PHF12: variants seen among roughly 807,000 people sequenced by gnomAD.
PHF12 encodes the protein PHD finger protein 12, also known as PHD factor 1.
In PHF12, 6 loss-of-function variants were observed where a neutral mutation model predicts 99.8. The observed-to-expected ratio is 0.06, with a 90% CI of 0.03 to 0.12. PHF12 has a LOEUF of 0.12. PHF12 is among the 10% of genes least tolerant of loss of function. The probability of loss-of-function intolerance (pLI) is 1.00; values close to 1 mark genes in which losing one functional copy is unlikely to be tolerated. For missense variants in PHF12, 954 were observed against 1,300.1 expected (o/e 0.73, Z 4.09); for synonymous variants, 480 against 514.9 (o/e 0.93, Z 0.92).
chr17:28,910,236 G>C lies in PHF12; in HGVS notation c.2349C>G (p.His783Gln), dbSNP rs1211232730. Residue 783 changes from histidine (H) to glutamine (Q), a missense_variant, in exon 11 of 15, where the codon CAC becomes CAG. By Grantham distance (24) the His-to-Gln change is conservative. Transcript: ENST00000332830. ...VGTHQLASGG[H>Q]HIEVQRKEVQ... The stretch of plus-strand genomic sequence containing the variant: ...TGTGTACATGCGCACCTTCTATGTG[G>C]TGCCCTCCAGAAGCCAGCTGATGTG... 6.2e-7 allele frequency: 1 copy of C among 1,614,206 alleles called. No homozygotes were observed. The highest frequency in any genetic ancestry group is 8.5e-7 in the Non-Finnish European group (1 of 1,180,034).
rs751298220 is a variant in PHF12, at chr17:28,921,857, T to C, written c.716-49A>G. 5 of 1,607,360 alleles carry C rather than the reference T, an allele frequency of 3.1e-6. No homozygotes were observed. In the Admixed American group the frequency reaches 5.1e-5, roughly 16 times the overall value. ...GAGCTATCCCTGGCTTCAGAGTTCC[T>C]AGCCTGCAATATGGAAACAACATTA... On this transcript the variant is annotated intron_variant, in intron 4 of 14. Transcript: ENST00000332830.
intron 6 of PHF12, among the ~76,000 whole-genome samples, chr17:28,918,116 T>A (rs1407611007): frequency 1.3e-5 from 2 of 152,228 alleles, no homozygotes; most frequent in South Asian, 2.1e-4. Context: ...CTTTTCCTAT[T>A]CTACATCTGG....
intron 10 of PHF12, 92 bp downstream of exon 10, chr17:28,911,020 C>T: frequency 6.4e-7 from 1 of 1,562,342 alleles, no homozygotes; most frequent in Non-Finnish European, 8.7e-7. Flanking sequence ...TCAGGTGTCC[C>T]TTCCCTCCCT....
At position 28,949,733 on chromosome 17, in the gene PHF12, TG is replaced by T; in HGVS notation, c.248+331del. The T allele has an allele frequency of 4.7e-6, 1 of 213,500 alleles. No individual in the cohort carries two copies. The highest frequency in any genetic ancestry group is 1.1e-4 in the East Asian group (1 of 9,254). The allele number at this position is 213,500 out of a possible 1,614,324, so 13.2% of individuals were successfully genotyped here. On this transcript the variant is annotated intron_variant, in intron 2 of 14. Transcript: ENST00000332830. The surrounding 1 kb of genome is among the most constrained non-coding windows in gnomAD (Gnocchi z 4.6). ...GGGCGCGCGGGCAGGCAAGCGGCACTGGGCCCGGAGCTCCTCCCCTTCCTCC... is the reference window on the plus strand; with the variant it reads ...GGGCGCGCGGGCAGGCAAGCGGCACTGGCCCGGAGCTCCTCCCCTTCCTCC...
Position 28,910,356 on chromosome 17 carries a change from A to G in PHF12, c.2229T>C (p.Asn743=), listed in dbSNP as rs1256136444. The part of the protein sequence containing the change: ...FMDVNGEIEI[N]MLDEKLIKFL... The stretch of plus-strand genomic sequence containing the variant: ...ACTTGATCAGCTTCTCGTCCAGCAT[A>G]TTTATCTCGATTTCTATTAGCCAAA... The change falls in exon 11 of 15, where the codon AAT becomes AAC. Residue 743 remains asparagine, a synonymous_variant. Transcript: ENST00000332830. 6.2e-7 allele frequency: 1 copy of G among 1,611,436 alleles called. No individual in the cohort carries two copies. The highest frequency in any genetic ancestry group is 1.3e-5 in the African/African-American group (1 of 74,874).
intron 6 of PHF12, 23 bp downstream of exon 6, chr17:28,919,120 T>G (rs749832833): frequency 1.9e-6 from 3 of 1,606,238 alleles, no homozygotes; most frequent in East Asian, 4.5e-5. Flanking sequence ...CATTGAGGAC[T>G]GAATGGACAC....
At chr17:28,910,975 A>C in intron 10 of PHF12, 137 bp downstream of exon 10, 9 of 1,050,428 alleles carry the variant, frequency 8.6e-6, no homozygotes, top group Admixed American at 2.7e-5. Flanking sequence ...CCAAAAGGAT[A>C]CTCCTCATTC....
rs773044280 is a variant in PHF12, at chr17:28,906,202, C to T, written c.2996G>A (p.Arg999His). 1.4e-5 allele frequency: 23 copies of T among 1,598,996 alleles called. No homozygotes were observed. Among genetic ancestry groups the T allele is most frequent in the South Asian group, 3.3e-5 (3 of 90,146 alleles). ...SLKPHQGPVL[R>H]SNSVP ...CCAGTCCTAAGGAACAGAGTTGGAG[C>T]GCAGCACAGGGCCCTGGTGGGGCTT... The change falls in exon 15 of 15, where the codon CGC becomes CAC. Residue 999 changes from arginine to histidine, a missense_variant. By Grantham distance (29) the Arg-to-His change is conservative. This residue lies in a region of PHF12 where 136 missense variants were observed against 172.3 expected (regional missense o/e 0.79). Coordinates refer to ENST00000332830, the MANE Select transcript of PHF12 (RefSeq NM_001033561.2). This position sits in a 1 kb window ranked among gnomAD's most constrained non-coding sequence, Gnocchi z 4.2.
intron 12 of PHF12, chr17:28,908,008 A>G (rs941842882): frequency 1.4e-5 from 3 of 214,518 alleles, no homozygotes; most frequent in Non-Finnish European, 2.9e-5. Context: ...CACCTTAAAG[A>G]AAGGGAAGTT....
At chr17:28,916,796 G>A (rs1327983409) in intron 7 of PHF12, among the ~76,000 whole-genome samples, 1 of 152,202 alleles carries the variant, frequency 6.6e-6, no homozygotes, top group Non-Finnish European at 1.5e-5. Flanking sequence ...CCACAATTTG[G>A]AGCATTGGTG....
chr17:28,909,022 C>T (rs2039916435), intron 11 of PHF12, 141 bp from the exon 12 acceptor site: 2 of 741,338 alleles, frequency 2.7e-6, no homozygotes, highest in Non-Finnish European at 4.6e-6. Flanking sequence ...TCACATCCAA[C>T]ACTGAGCTGC....
At chr17:28,945,248 A>C (rs955805585) in intron 2 of PHF12, 2 of 152,184 alleles carry the variant, frequency 1.3e-5, no homozygotes, top group Admixed American at 6.5e-5. Context: ...AAACAAACAA[A>C]CAACCCCACT....
At chr17:28,927,447 C>T (rs2040302156) in intron 2 of PHF12, among the ~76,000 whole-genome samples, 1 of 152,232 alleles carries the variant, frequency 6.6e-6, no homozygotes, top group Non-Finnish European at 1.5e-5. Flanking sequence ...AGGTGCTCTT[C>T]CCACTATTCA....
intron 5 of PHF12, 111 bp from the exon 6 acceptor site, chr17:28,919,386 ATCCTAACATTCTCCC>A: frequency 8.0e-6 from 1 of 124,300 alleles, no homozygotes; most frequent in Non-Finnish European, 1.5e-5. Context: ...CCCCTCCTTG[ATCCTAACATTCTCCC>A]CTATCTTCCT....
At position 28,941,802 on chromosome 17, in the gene PHF12, T is replaced by G. The variant is rs2040621968; in HGVS notation, c.248+8263A>C. On this transcript the variant is annotated intron_variant, in intron 2 of 14. Coordinates refer to ENST00000332830, the MANE Select transcript of PHF12 (RefSeq NM_001033561.2). Reference sequence around the variant, plus strand: ...TTGTATTTTTAGTAGAGATGGGGTTTCACCATGTTGGTCAGGCTGGTCTCG... The same window carrying G: ...TTGTATTTTTAGTAGAGATGGGGTTGCACCATGTTGGTCAGGCTGGTCTCG... 3.9e-5 allele frequency among the ~76,000 whole-genome samples: 6 copies of G among 152,156 alleles called. No homozygotes were observed. The South Asian group carries it at 1.2e-3, about 31-fold the overall frequency.
chr17:28,921,880 T>C (rs2040173224), intron 4 of PHF12, 72 bp from the exon 5 acceptor site: 1 of 1,590,178 alleles, frequency 6.3e-7, no homozygotes, highest in Non-Finnish European at 8.6e-7. Flanking sequence ...GGAAACAACA[T>C]TAAGTGACAA....
At chr17:28,932,498 G>A (rs1263112665) in intron 2 of PHF12, among the ~76,000 whole-genome samples, 1 of 152,162 alleles carries the variant, frequency 6.6e-6, no homozygotes, top group Non-Finnish European at 1.5e-5. Context: ...TGTCATTGGG[G>A]TAAGCTCAGG....
At chr17:28,948,617 T>C (rs1339599320) in intron 2 of PHF12, among the ~76,000 whole-genome samples, 1 of 152,180 alleles carries the variant, frequency 6.6e-6, no homozygotes, top group African/African-American at 2.4e-5. Context: ...CTTAATTTGC[T>C]CAGTATCAGT....
chr17:28,941,477 T>TA (rs1411134255), intron 2 of PHF12, among the ~76,000 whole-genome samples: 1 of 152,196 alleles, frequency 6.6e-6, no homozygotes, highest in Non-Finnish European at 1.5e-5. Flanking sequence ...TGGGCTTATA[T>TA]AAAGATACAA....
Sources: gnomAD v4.1 joint callset for allele counts (sites outside exome capture counted in the v4.1 genomes callset) on GRCh38, gnomAD v4.1.1 for gene constraint, gnomAD v4.1.1 regional missense constraint, Gnocchi (gnomAD v3.1) non-coding constraint, MANE v1.5 for transcripts, NCBI Gene and HGNC (gene_info 2026-07-23, HGNC 2026-07-21) for gene names.